EVI5: variants seen among roughly 807,000 people sequenced by gnomAD.
The protein encoded by EVI5 is ecotropic viral integration site 5, also known as ecotropic viral integration site 5 protein homolog.
A neutral mutation model predicts 112.0 loss-of-function variants in EVI5; 73 were observed. The ratio of observed to expected loss-of-function variants is 0.65; its 90% CI spans 0.54 to 0.79. The LOEUF (loss-of-function observed/expected upper bound fraction) is 0.79. Among genes scored for constraint, EVI5 ranks in the 30% least tolerant of loss-of-function variants. The probability of loss-of-function intolerance (pLI) is 0.00; values close to 1 mark genes in which losing one functional copy is unlikely to be tolerated. For synonymous variants in EVI5, 305 were observed against 319.9 expected (o/e 0.95, Z 0.50); for missense variants, 900 against 968.8 (o/e 0.93, Z 0.94).
intron 19 of EVI5, among the ~76,000 whole-genome samples, chr1:92,550,313 C>G (rs562322624): frequency 1.7e-5 from 2 of 120,506 alleles, no homozygotes; most frequent in African/African-American, 6.7e-5. Flanking sequence ...CAGCTGGACA[C>G]GGGAAGGGGA....
intron 1 of EVI5, among the ~76,000 whole-genome samples, chr1:92,746,550 AC>A (rs1476110236): frequency 6.6e-6 from 1 of 151,966 alleles, no homozygotes; most frequent in African/African-American, 2.4e-5. Context: ...ACATGGTGAA[AC>A]CCTGTCTCCA....
chr1:92,535,814 C>T (rs1027102948), intron 19 of EVI5, among the ~76,000 whole-genome samples: 4 of 151,912 alleles, frequency 2.6e-5, no homozygotes, highest in African/African-American at 7.3e-5. Flanking sequence ...ATGTAGATGA[C>T]GGGTTGATGG....
intron 1 of EVI5, among the ~76,000 whole-genome samples, chr1:92,758,358 C>A (rs1448950793): frequency 6.6e-6 from 1 of 151,984 alleles, no homozygotes; most frequent in African/African-American, 2.4e-5. Flanking sequence ...TGCTCGAGCC[C>A]AGGAGTTCAA....
chr1:92,589,473 G>C (rs889503563), intron 18 of EVI5, among the ~76,000 whole-genome samples: 2 of 152,126 alleles, frequency 1.3e-5, no homozygotes, highest in South Asian at 4.1e-4. Context: ...ATTGTATCCT[G>C]TGCCTGGCTT....
chr1:92,690,969 G>C (rs897667786), intron 9 of EVI5, among the ~76,000 whole-genome samples: 3 of 152,038 alleles, frequency 2.0e-5, no homozygotes, highest in Non-Finnish European at 4.4e-5. Context: ...GAAAACACAA[G>C]AGATACAGAA....
chr1:92,584,743 A>G (rs1672511632), intron 18 of EVI5, among the ~76,000 whole-genome samples: 1 of 152,234 alleles, frequency 6.6e-6, no homozygotes, highest in Admixed American at 6.5e-5. Flanking sequence ...TATTCTTCTT[A>G]GTAATTAGAA....
chr1:92,723,377 C>T (rs1342534113), intron 2 of EVI5, among the ~76,000 whole-genome samples: 1 of 152,134 alleles, frequency 6.6e-6, no homozygotes, highest in Non-Finnish European at 1.5e-5. Flanking sequence ...CCGGCTGGAG[C>T]CAAGGCAGAA....
chr1:92,566,853 C>A (rs867714832), intron 18 of EVI5, among the ~76,000 whole-genome samples: 2 of 139,822 alleles, frequency 1.4e-5, no homozygotes, highest in South Asian at 4.5e-4. Flanking sequence ...TCTGTCCAGG[C>A]TGGGGTGCAA....
chr1:92,565,948 C>CAAAAAAAAAAAAA lies in EVI5; in HGVS notation c.2071-2224_2071-2212dup, dbSNP rs71586755. Among the ~76,000 whole-genome samples the CAAAAAAAAAAAAA allele has an allele frequency of 3.0e-3, 156 of 51,870 alleles. 34 individuals carry two copies. The highest frequency in any genetic ancestry group is 0.012 in the African/African-American group (119 of 10,136). 34.0% of individuals were successfully genotyped at this position (51,870 alleles called of 152,430 possible). On this transcript the variant is annotated intron_variant, in intron 18 of 19. Transcript: ENST00000684568. ...TTGCGCCACTGCATTCCAGCCCGAGCAAAAAAAAAAAAAAAAAAAAGAAAT... is the reference window on the plus strand; with the variant it reads ...TTGCGCCACTGCATTCCAGCCCGAGCAAAAAAAAAAAAAAAAAAAAAAAAAAAAAAAAAGAAAT...
intron 19 of EVI5, among the ~76,000 whole-genome samples, chr1:92,529,006 T>C (rs1662398312): frequency 6.6e-6 from 1 of 152,192 alleles, no homozygotes; most frequent in South Asian, 2.1e-4. Flanking sequence ...TGGAAAGACA[T>C]GCAACTGCCA....
intron 14 of EVI5, among the ~76,000 whole-genome samples, chr1:92,633,274 G>A (rs1021932646): frequency 2.0e-5 from 3 of 152,222 alleles, no homozygotes; most frequent in Non-Finnish European, 2.9e-5. Flanking sequence ...ACAGTGGGGT[G>A]TTAAAGTCTC....
intron 1 of EVI5, among the ~76,000 whole-genome samples, chr1:92,746,417 T>C (rs932594793): frequency 6.6e-6 from 1 of 152,168 alleles, no homozygotes; most frequent in Non-Finnish European, 1.5e-5. Context: ...CTATACACAC[T>C]AAAAATAACT....
At chr1:92,531,640 T>C (rs1662885478) in intron 19 of EVI5, among the ~76,000 whole-genome samples, 1 of 152,170 alleles carries the variant, frequency 6.6e-6, no homozygotes, top group Admixed American at 6.5e-5. Flanking sequence ...TATTCAACAT[T>C]CTTAAAGAAA....
At chr1:92,515,155 A>G (rs960029371) in intron 19 of EVI5, among the ~76,000 whole-genome samples, 2 of 152,200 alleles carry the variant, frequency 1.3e-5, no homozygotes, top group African/African-American at 4.8e-5. Context: ...TCTAGTCCTC[A>G]ATCCCTGGAG....
At chr1:92,752,722 C>T (rs1245937872) in intron 1 of EVI5, among the ~76,000 whole-genome samples, 1 of 152,056 alleles carries the variant, frequency 6.6e-6, no homozygotes, top group Non-Finnish European at 1.5e-5. Flanking sequence ...CTTTCTGAAA[C>T]TCCTGTCTCC....
chr1:92,702,681 A>C (rs1249372926), intron 4 of EVI5, among the ~76,000 whole-genome samples: 1 of 150,886 alleles, frequency 6.6e-6, no homozygotes, highest in East Asian at 1.9e-4. Flanking sequence ...TGGCGGGCGC[A>C]TGTAATCCCA....
intron 18 of EVI5, among the ~76,000 whole-genome samples, chr1:92,570,100 G>A (rs1025759458): frequency 1.3e-5 from 2 of 151,122 alleles, no homozygotes; most frequent in African/African-American, 4.9e-5. Flanking sequence ...GAAATAAGGG[G>A]AAAAAAAACA....
At chr1:92,732,341 C>A (rs1425777374) in intron 2 of EVI5, 1 of 373,030 alleles carries the variant, frequency 2.7e-6, no homozygotes, top group Admixed American at 3.1e-5. Flanking sequence ...CACTCAGTAA[C>A]TTGTTAAAGA....
intron 2 of EVI5, among the ~76,000 whole-genome samples, chr1:92,728,349 C>T (rs1675928705): frequency 6.6e-6 from 1 of 151,702 alleles, no homozygotes; most frequent in African/African-American, 2.4e-5. Context: ...ATAGTCACCC[C>T]TTATCCACAG....
Sources: allele counts gnomAD v4.1 joint callset (sites outside exome capture counted in the v4.1 genomes callset), GRCh38; gene constraint gnomAD v4.1.1; transcripts MANE v1.5; gene names NCBI Gene and HGNC (gene_info 2026-07-23, HGNC 2026-07-21).